The following JMJD1C variants were observed in gnomAD, a reference collection of about 807,000 sequenced individuals.
JMJD1C encodes the protein jumonji domain-containing protein 1C.
Under a neutral mutation model 245.3 loss-of-function variants are expected in JMJD1C, and 31 were observed. That is an observed-to-expected ratio of 0.13 (90% CI 0.09 to 0.17). The LOEUF (loss-of-function observed/expected upper bound fraction) is 0.17. JMJD1C is among the 10% of genes least tolerant of loss of function. JMJD1C has a pLI of 1.00. For synonymous variants in JMJD1C, 1,057 were observed against 1,017.4 expected (o/e 1.04, Z -0.74); for missense variants, 2,691 against 3,000.2 (o/e 0.90, Z 2.41).
At chr10:63,422,848 T>G (rs765439449) in intron 1 of JMJD1C, among the ~76,000 whole-genome samples, 16 of 152,212 alleles carry the variant, frequency 1.1e-4, no homozygotes, top group Non-Finnish European at 1.9e-4. Flanking sequence ...TTTACAAAAA[T>G]TGTGATAAGA....
chr10:63,482,343 G>T (rs1476625820), intron 1 of JMJD1C, among the ~76,000 whole-genome samples: 1 of 152,074 alleles, frequency 6.6e-6, no homozygotes, highest in Non-Finnish European at 1.5e-5. Flanking sequence ...TTGTGGTTAA[G>T]ACAGCAAATG....
At chr10:63,513,079 T>C (rs1223875896) in intron 1 of JMJD1C, among the ~76,000 whole-genome samples, 2 of 152,238 alleles carry the variant, frequency 1.3e-5, no homozygotes, top group Non-Finnish European at 2.9e-5. Flanking sequence ...TCTTGCATAT[T>C]GTCTACTTTT....
intron 2 of JMJD1C, among the ~76,000 whole-genome samples, chr10:63,272,383 C>G (rs899215592): frequency 6.6e-6 from 1 of 152,120 alleles, no homozygotes; most frequent in African/African-American, 2.4e-5. Flanking sequence ...TCCCAAGTAG[C>G]TGGGATTACA....
chr10:63,213,417 A>C, intron 8 of JMJD1C, 56 bp downstream of exon 8: 1 of 973,216 alleles, frequency 1.0e-6, no homozygotes, highest in Non-Finnish European at 1.5e-6. Context: ...TTGAAAAAGC[A>C]CCTGTACATG....
chr10:63,337,235 C>A lies in JMJD1C; in HGVS notation c.333+43083G>T, dbSNP rs540868101. On this transcript the variant is annotated intron_variant, in intron 2 of 25. Transcript: ENST00000399262. ...CGGCACGGGCACCACTGAGACTGGG[C>A]ACTTGAGACCAGCCTGGTCAATATG... Among the ~76,000 whole-genome samples the A allele has an allele frequency of 7.3e-5, 11 of 151,376 alleles. No homozygotes were observed. In the South Asian group the frequency reaches 1.7e-3, roughly 23 times the overall value.
At chr10:63,271,187 T>C (rs939296246) in intron 2 of JMJD1C, among the ~76,000 whole-genome samples, 12 of 152,144 alleles carry the variant, frequency 7.9e-5, no homozygotes, top group Admixed American at 3.3e-4. Flanking sequence ...CTTTTCTTTT[T>C]TTTTCTGAGA....
Position 63,214,880 on chromosome 10 carries a change from A to G in JMJD1C, c.1287T>C (p.Asn429=). The part of the protein sequence containing the change: ...NEKAGEETLK[N]SQPPWDQIQE... ...GTATTTGATCCCAGGGAGGCTGGCTATTTTTTAGGGTCTCTTCTCCTGCCT... is the reference window on the plus strand; with the variant it reads ...GTATTTGATCCCAGGGAGGCTGGCTGTTTTTTAGGGTCTCTTCTCCTGCCT... The change falls in exon 8 of 26, where the codon AAT becomes AAC. Residue 429 remains asparagine (N), a synonymous_variant. Coordinates refer to ENST00000399262, the MANE Select transcript of JMJD1C (RefSeq NM_032776.3). The G allele has an allele frequency of 6.2e-7, 1 of 1,613,676 alleles. No individual in the cohort carries two copies. Among genetic ancestry groups the G allele is most frequent in the Middle Eastern group, 1.7e-4 (1 of 6,060 alleles).
At chr10:63,315,085 C>A (rs1220697750) in intron 2 of JMJD1C, among the ~76,000 whole-genome samples, 1 of 151,944 alleles carries the variant, frequency 6.6e-6, no homozygotes, top group Non-Finnish European at 1.5e-5. Flanking sequence ...TCCCAAGTAG[C>A]TGGGATTACA....
intron 1 of JMJD1C, among the ~76,000 whole-genome samples, chr10:63,501,785 GAACAA>G (rs888740948): frequency 2.0e-5 from 3 of 151,718 alleles, no homozygotes; most frequent in East Asian, 3.9e-4. Context: ...CAAAAAAAAA[GAACAA>G]AACAAAACAA....
rs755368944 is a variant in JMJD1C, at chr10:63,192,960, T to C, written c.6054A>G (p.Gln2018=). ...PLHWLADLAE[Q]KAREEKKENK... The stretch of plus-strand genomic sequence containing the variant: ...TACCTTTTTTTTCCTCTCTGGCTTT[T>C]TGCTCTGCAAGATCTGCTAACCAGT... Residue 2018 remains glutamine, a synonymous_variant, in exon 16 of 26, where the codon CAA becomes CAG. Coordinates refer to ENST00000399262, the MANE Select transcript of JMJD1C (RefSeq NM_032776.3). 2.1e-5 allele frequency: 34 copies of C among 1,614,010 alleles called. No homozygotes were observed. Among genetic ancestry groups the C allele is most frequent in the Admixed American group, 3.3e-5 (2 of 60,014 alleles).
At chr10:63,292,391 G>A (rs938915270) in intron 2 of JMJD1C, among the ~76,000 whole-genome samples, 7 of 151,638 alleles carry the variant, frequency 4.6e-5, no homozygotes, top group Non-Finnish European at 5.9e-5. Flanking sequence ...GTGGGCAACT[G>A]CTTGAGGCCA....
chr10:63,504,880 G>C (rs1318132486), intron 1 of JMJD1C, among the ~76,000 whole-genome samples: 1 of 152,156 alleles, frequency 6.6e-6, no homozygotes, highest in Non-Finnish European at 1.5e-5. Flanking sequence ...TGTTAGCCGA[G>C]CTTGGTGGCA....
intron 3 of JMJD1C, among the ~76,000 whole-genome samples, chr10:63,242,469 C>A (rs2133519973): frequency 6.6e-6 from 1 of 152,290 alleles, no homozygotes; most frequent in Admixed American, 6.5e-5. Flanking sequence ...TACCTGTAAT[C>A]CCAGCACTTT....
chr10:63,267,572 G>A (rs1481990923), intron 2 of JMJD1C, among the ~76,000 whole-genome samples: 1 of 152,082 alleles, frequency 6.6e-6, no homozygotes, highest in African/African-American at 2.4e-5. Context: ...AACTTCCACA[G>A]CCTAAAGGGA....
chr10:63,518,163 GAC>G (rs1205077254), intron 1 of JMJD1C, among the ~76,000 whole-genome samples: 6 of 152,242 alleles, frequency 3.9e-5, no homozygotes, highest in African/African-American at 1.4e-4. Flanking sequence ...GTGTATCTGA[GAC>G]ACAGTCCAAT....
At chr10:63,213,395 A>T (rs1394801001) in intron 8 of JMJD1C, 78 bp downstream of exon 8, 12 of 872,892 alleles carry the variant, frequency 1.4e-5, no homozygotes, top group Middle Eastern at 4.6e-4. Context: ...GACCTAAAAA[A>T]TAGATGGAAT....
intron 14 of JMJD1C, 195 bp from the exon 15 acceptor site, chr10:63,193,667 GT>G (rs1361457700): frequency 2.5e-6 from 1 of 407,936 alleles, no homozygotes; most frequent in Admixed American, 4.3e-5. Context: ...TGTTTTTTTT[GT>G]TTTTTTGTTT....
At chr10:63,469,290 A>G (rs1953415861), upstream of JMJD1C, among the ~76,000 whole-genome samples, 1 of 152,238 alleles carries the variant, frequency 6.6e-6, no homozygotes, top group Non-Finnish European at 1.5e-5. Context: ...ACAGTATACT[A>G]AGTACTTTAC....
chr10:63,401,372 G>A (rs546519500), intron 1 of JMJD1C, among the ~76,000 whole-genome samples: 2 of 152,152 alleles, frequency 1.3e-5, no homozygotes, highest in African/African-American at 2.4e-5. Flanking sequence ...AAATTGTTGT[G>A]TTTAATGTAA....
Sources: gnomAD v4.1 joint callset for allele counts (sites outside exome capture counted in the v4.1 genomes callset) on GRCh38, gnomAD v4.1.1 for gene constraint, MANE v1.5 for transcripts, NCBI Gene and HGNC (gene_info 2026-07-23, HGNC 2026-07-21) for gene names.